Variants in PBX3 observed in about 807,000 individuals in gnomAD.
PBX3 encodes the protein pre-B-cell leukemia transcription factor 3.
PBX3 carries 14 observed loss-of-function variants against 48.5 expected under a neutral mutation model. That is an observed-to-expected ratio of 0.29 (90% CI 0.19 to 0.45). The LOEUF (loss-of-function observed/expected upper bound fraction) is 0.45. Among genes scored for constraint, PBX3 ranks in the 20% least tolerant of loss-of-function variants. The pLI is 1.00. For missense variants in PBX3, 386 were observed against 546.7 expected (o/e 0.71, Z 2.93); for synonymous variants, 210 against 200.3 (o/e 1.05, Z -0.41).
At chr9:125,824,852 G>A (rs1838760944) in intron 2 of PBX3, among the ~76,000 whole-genome samples, 1 of 152,104 alleles carries the variant, frequency 6.6e-6, no homozygotes, top group South Asian at 2.1e-4. Flanking sequence ...ACTGAACGTT[G>A]ACTGTTTGCC....
At chr9:125,959,571 T>A (rs1381587037) in intron 5 of PBX3, among the ~76,000 whole-genome samples, 1 of 152,196 alleles carries the variant, frequency 6.6e-6, no homozygotes, top group Admixed American at 6.5e-5. Context: ...TTGGCAGAGA[T>A]GGTCAAAAAG....
At chr9:125,843,657 G>A in intron 2 of PBX3, 1 of 308,816 alleles carries the variant, frequency 3.2e-6, no homozygotes, top group East Asian at 1.0e-4. Flanking sequence ...TATTACATTA[G>A]GGCACCAGAG....
intron 5 of PBX3, among the ~76,000 whole-genome samples, chr9:125,937,430 A>G (rs1841863438): frequency 6.7e-6 from 1 of 149,870 alleles, no homozygotes; most frequent in Non-Finnish European, 1.5e-5. Flanking sequence ...TTATGTTTTG[A>G]ATTTTTTTTT....
intron 2 of PBX3, among the ~76,000 whole-genome samples, chr9:125,819,775 T>G (rs1838594014): frequency 6.6e-6 from 1 of 152,192 alleles, no homozygotes; most frequent in African/African-American, 2.4e-5. Context: ...CTCTTCACTT[T>G]TAAGTTTATT....
At chr9:125,896,021 G>A (rs1840760226) in intron 2 of PBX3, among the ~76,000 whole-genome samples, 1 of 151,948 alleles carries the variant, frequency 6.6e-6, no homozygotes, top group Non-Finnish European at 1.5e-5. Flanking sequence ...AAATCAAACT[G>A]CTGCAAAATA....
intron 2 of PBX3, among the ~76,000 whole-genome samples, chr9:125,792,533 C>T (rs899473370): frequency 6.6e-6 from 1 of 152,002 alleles, no homozygotes; most frequent in Non-Finnish European, 1.5e-5. Flanking sequence ...ATAGTGGTAT[C>T]CTTTAGGTCA....
At chr9:125,856,703 TAATA>T (rs1839733494) in intron 2 of PBX3, among the ~76,000 whole-genome samples, 1 of 152,236 alleles carries the variant, frequency 6.6e-6, no homozygotes, top group Non-Finnish European at 1.5e-5. Context: ...CTGTTAGACA[TAATA>T]AATCAATAGT....
chr9:125,762,392 G>C (rs1295450351), intron 2 of PBX3, among the ~76,000 whole-genome samples: 4 of 152,150 alleles, frequency 2.6e-5, no homozygotes, highest in Non-Finnish European at 4.4e-5. Context: ...CTTTACCTTT[G>C]AGTTATTTTT....
chr9:125,851,126 T>G (rs1839565698), intron 2 of PBX3, among the ~76,000 whole-genome samples: 1 of 152,066 alleles, frequency 6.6e-6, no homozygotes, highest in African/African-American at 2.4e-5. Flanking sequence ...ATTAGATATA[T>G]TTTTCAGCCT....
At chr9:125,757,819 C>T (rs1389036810) in intron 2 of PBX3, among the ~76,000 whole-genome samples, 4 of 152,134 alleles carry the variant, frequency 2.6e-5, no homozygotes, top group African/African-American at 4.8e-5. Flanking sequence ...ACAGGGCTGT[C>T]ACTATAAAAC....
At chr9:125,849,203 A>G (rs1839510771) in intron 2 of PBX3, among the ~76,000 whole-genome samples, 1 of 151,952 alleles carries the variant, frequency 6.6e-6, no homozygotes, top group South Asian at 2.1e-4. Context: ...TTGTAAGAGA[A>G]TGTTCCATAA....
At chr9:125,906,587 CAT>C (rs1253129397) in intron 2 of PBX3, among the ~76,000 whole-genome samples, 1 of 151,952 alleles carries the variant, frequency 6.6e-6, no homozygotes, top group Non-Finnish European at 1.5e-5. Flanking sequence ...CCATGAGGGA[CAT>C]ATGAATGACA....
chr9:125,850,105 T>A (rs1051831162), intron 2 of PBX3, among the ~76,000 whole-genome samples: 3 of 152,074 alleles, frequency 2.0e-5, no homozygotes, highest in Non-Finnish European at 4.4e-5. Flanking sequence ...GACGTCTTAG[T>A]CTATTTCTTT....
chr9:125,843,843 G>A, intron 2 of PBX3: 1 of 455,724 alleles, frequency 2.2e-6, no homozygotes, highest in Non-Finnish European at 4.4e-6. Context: ...GTGCAGGCCT[G>A]CTGAGGCAAT....
At chr9:125,909,269 A>G (rs1841148270) in intron 2 of PBX3, among the ~76,000 whole-genome samples, 1 of 152,148 alleles carries the variant, frequency 6.6e-6, no homozygotes, top group African/African-American at 2.4e-5. Flanking sequence ...AGCCAACAGT[A>G]CTTTCAGATT....
rs142694650 is a variant in PBX3 at position 125,793,997 on chromosome 9, T to C, written c.274+45374T>C. On this transcript the variant is annotated intron_variant, in intron 2 of 8. Transcript: ENST00000373489. ...TACCCAATCACGCAACTTAAATTTG[T>C]GTGATAACATTTTTAATCTTATAAT... 2.2e-4 allele frequency among the ~76,000 whole-genome samples: 34 copies of C among 152,302 alleles called. No homozygotes were observed. The East Asian group carries it at 6.5e-3, about 29-fold the overall frequency.
At chr9:125,912,061 A>G (rs2132454764) in intron 2 of PBX3, among the ~76,000 whole-genome samples, 1 of 152,250 alleles carries the variant, frequency 6.6e-6, no homozygotes, top group East Asian at 1.9e-4. Context: ...AGGGAGCCAC[A>G]AAGCTTAGTT....
intron 8 of PBX3, 51 bp from the exon 9 acceptor site, chr9:125,965,780 G>A (rs1468583764): frequency 7.4e-7 from 1 of 1,348,614 alleles, no homozygotes; most frequent in Admixed American, 1.7e-5. Context: ...AAATTGGGGA[G>A]TAGAATTAAT....
At chr9:125,778,621 A>G (rs1377570037) in intron 2 of PBX3, among the ~76,000 whole-genome samples, 1 of 58,686 alleles carries the variant, frequency 1.7e-5, no homozygotes, top group Non-Finnish European at 3.6e-5. Context: ...TTTTTTTTTC[A>G]TATTTTCTAT....
Sources: allele counts gnomAD v4.1 joint callset (sites outside exome capture counted in the v4.1 genomes callset), GRCh38; gene constraint gnomAD v4.1.1; transcripts MANE v1.5; gene names NCBI Gene and HGNC (gene_info 2026-07-23, HGNC 2026-07-21).